The following LONRF2 variants were observed in gnomAD, a reference collection of about 807,000 sequenced individuals.
LONRF2 encodes the protein LON peptidase N-terminal domain and RING finger protein 2.
A neutral mutation model predicts 66.6 loss-of-function variants in LONRF2; 35 were observed. The ratio of observed to expected loss-of-function variants is 0.53; its 90% CI spans 0.40 to 0.70. The LOEUF (loss-of-function observed/expected upper bound fraction) is 0.70. Among genes scored for constraint, LONRF2 ranks in the 30% least tolerant of loss-of-function variants. The pLI is 0.00. For synonymous variants in LONRF2, 417 were observed against 418.1 expected (o/e 1.00, Z 0.03); for missense variants, 902 against 1,002.1 (o/e 0.90, Z 1.35).
rs1305783021 is a variant in LONRF2 at position 100,281,845 on chromosome 2, C to T, written c.*2453G>A. ...GGGGCAGGCGGAGGAGGAAGCAGAC[C>T]GTTCTGCTTTAGCTTAATTGGTAGC... On this transcript the variant is annotated 3_prime_UTR_variant, in exon 12 of 12. Transcript: ENST00000393437. 3 of 151,496 alleles carry T rather than the reference C, an allele frequency of 2.0e-5. No homozygotes were observed. Among genetic ancestry groups the T allele is most frequent in the East Asian group, 1.9e-4 (1 of 5,176 alleles). The allele number at this position is 151,496 out of a possible 1,614,324, so 9.4% of individuals were successfully genotyped here.
intron 1 of LONRF2, among the ~76,000 whole-genome samples, chr2:100,310,374 T>C (rs1197939471): frequency 6.6e-6 from 1 of 152,230 alleles, no homozygotes; most frequent in East Asian, 1.9e-4. Flanking sequence ...GCTCCTAAGA[T>C]GTGTTCTCAT....
Position 100,273,293 on chromosome 2 carries a change from A to G in LONRF2, c.*11005T>C, listed in dbSNP as rs1223711904. 1 of 152,224 alleles carries G rather than the reference A, an allele frequency of 6.6e-6. No homozygotes were observed. 9.4% of individuals were successfully genotyped at this position (152,224 alleles called of 1,614,324 possible). A position where few individuals can be genotyped will look rare whatever the true frequency, so the allele number is the denominator to read the frequency against. On this transcript the variant is annotated 3_prime_UTR_variant, in exon 12 of 12. Transcript: ENST00000393437. ...TGGATTTCTAATGTCCAGAAATGTG[A>G]GCGAAGAAAACTGATTTATTGTGAA... is the stretch of plus-strand genomic sequence containing the variant.
intron 2 of LONRF2, among the ~76,000 whole-genome samples, chr2:100,303,424 A>C (rs1009312027): frequency 6.6e-6 from 1 of 152,246 alleles, no homozygotes; most frequent in Admixed American, 6.5e-5. Context: ...GACACGACTA[A>C]AAACAATTAC....
chr2:100,303,022 C>T lies in LONRF2; in HGVS notation c.820G>A (p.Ala274Thr). Residue 274 changes from alanine to threonine, a missense_variant, in exon 3 of 12, where the codon GCT (alanine) becomes ACT (threonine). Coordinates refer to ENST00000393437, the MANE Select transcript of LONRF2 (RefSeq NM_198461.4). Reference protein sequence around the residue: ...LIKGHQVKAQALSGLGRSKEV... With the variant: ...LIKGHQVKAQTLSGLGRSKEV... Reference sequence around the variant, plus strand: ...TTACTTCTTCCCAATCCAGAAAGAGCCTGAGCTTTTACTTGATGTCCCTAG... The same window carrying T: ...TTACTTCTTCCCAATCCAGAAAGAGTCTGAGCTTTTACTTGATGTCCCTAG... 6.2e-7 allele frequency: 1 copy of T among 1,607,324 alleles called. No individual in the cohort carries two copies. Among genetic ancestry groups the T allele is most frequent in the Non-Finnish European group, 8.5e-7 (1 of 1,176,400 alleles).
At position 100,278,705 on chromosome 2, in the gene LONRF2, CA is replaced by C. The variant is rs1464720449; in HGVS notation, c.*5592del. 6.6e-6 allele frequency: 1 copy of C among 152,182 alleles called. No homozygotes were observed. The highest frequency in any genetic ancestry group is 1.9e-4 in the East Asian group (1 of 5,176). 9.4% of individuals were successfully genotyped at this position (152,182 alleles called of 1,614,324 possible). On this transcript the variant is annotated 3_prime_UTR_variant, in exon 12 of 12. Transcript: ENST00000393437. ...GTCTCACATCCCAGAAGACATTGCC[CA>C]GCCCAGCAGCTCACGGCTGAAGATG... is the stretch of plus-strand genomic sequence containing the variant.
chr2:100,309,077 A>G (rs768103842), intron 2 of LONRF2, 30 bp downstream of exon 2: 1 of 1,378,642 alleles, frequency 7.3e-7, no homozygotes, highest in Admixed American at 2.3e-5. Context: ...CTTCACATTG[A>G]TTATCTCCAA....
intron 1 of LONRF2, among the ~76,000 whole-genome samples, chr2:100,314,519 T>C (rs2104211679): frequency 6.6e-6 from 1 of 152,330 alleles, no homozygotes; most frequent in East Asian, 1.9e-4. Context: ...TTATTCTGCA[T>C]TAGAGGTCTC....
intron 1 of LONRF2, among the ~76,000 whole-genome samples, chr2:100,318,700 G>A (rs911176215): frequency 3.3e-5 from 5 of 151,810 alleles, no homozygotes; most frequent in Admixed American, 6.6e-5. Flanking sequence ...GCATGGTGGT[G>A]CATGCCTGTA....
chr2:100,273,978 A>G lies in LONRF2; in HGVS notation c.*10320T>C, dbSNP rs1049258767. ...GAGAGAGAAGTCGGTCACTGGTTGA[A>G]CTGTTCACAGTACAAAAAGGTGACA... is the stretch of plus-strand genomic sequence containing the variant. On this transcript the variant is annotated 3_prime_UTR_variant, in exon 12 of 12. Transcript: ENST00000393437. 1.3e-5 allele frequency: 2 copies of G among 152,190 alleles called. No homozygotes were observed. Among genetic ancestry groups the G allele is most frequent in the Non-Finnish European group, 2.9e-5 (2 of 68,040 alleles). The allele number at this position is 152,190 out of a possible 1,614,324, so 9.4% of individuals were successfully genotyped here.
At position 100,322,398 on chromosome 2, in the gene LONRF2, G is replaced by A; in HGVS notation, c.-305C>T. Reference sequence around the variant, plus strand: ...CCACGCGCAGCGGCCTCTCAGTCCCGCCGGCTTAGGTAACCCAGGTCGCTG... The same window carrying A: ...CCACGCGCAGCGGCCTCTCAGTCCCACCGGCTTAGGTAACCCAGGTCGCTG... On this transcript the variant is annotated 5_prime_UTR_variant, in exon 1 of 12. Coordinates refer to ENST00000393437, the MANE Select transcript of LONRF2 (RefSeq NM_198461.4). 4.1e-6 allele frequency: 1 copy of A among 246,760 alleles called. No homozygotes were observed. Among genetic ancestry groups the A allele is most frequent in the East Asian group, 7.9e-5 (1 of 12,606 alleles). The allele number at this position is 246,760 out of a possible 1,614,324, so 15.3% of individuals were successfully genotyped here.
Position 100,277,296 on chromosome 2 carries a change from C to T in LONRF2, c.*7002G>A, listed in dbSNP as rs1164457283. 1 of 152,234 alleles carries T rather than the reference C, an allele frequency of 6.6e-6. No individual in the cohort carries two copies. The highest frequency in any genetic ancestry group is 1.5e-5 in the Non-Finnish European group (1 of 68,074). 9.4% of individuals were successfully genotyped at this position (152,234 alleles called of 1,614,324 possible). On this transcript the variant is annotated 3_prime_UTR_variant, in exon 12 of 12. Coordinates refer to ENST00000393437, the MANE Select transcript of LONRF2 (RefSeq NM_198461.4). The stretch of plus-strand genomic sequence containing the variant: ...AGAAACTATCCCTCTCAGCCTCATG[C>T]TACCCTATTAAAGCAGTAAATGGCT...
At chr2:100,291,869 C>T (rs1395588754) in intron 9 of LONRF2, among the ~76,000 whole-genome samples, 1 of 152,132 alleles carries the variant, frequency 6.6e-6, no homozygotes, top group Non-Finnish European at 1.5e-5. Flanking sequence ...GATGTTCTCA[C>T]GCTACCACGT....
rs1290353157 is a variant in LONRF2 at position 100,321,904 on chromosome 2, G to T, written c.190C>A (p.Leu64Met). The T allele has an allele frequency of 4.6e-5, 60 of 1,305,038 alleles. 1 individual carries two copies. The Middle Eastern group carries it at 1.2e-3, about 26-fold the overall frequency. The allele number at this position is 1,305,038 out of a possible 1,614,324, so 80.8% of individuals were successfully genotyped here. The change falls in exon 1 of 12, where the codon CTG (leucine) becomes ATG (methionine). Residue 64 changes from leucine (L) to methionine (M), a missense_variant. Leu to Met is a conservative substitution (Grantham distance 15, BLOSUM62 2). Coordinates refer to ENST00000393437, the MANE Select transcript of LONRF2 (RefSeq NM_198461.4). ...AQPDRGLCLR[L>M]GDALARAGRL... is the part of the protein sequence containing the mutation. The stretch of plus-strand genomic sequence containing the variant: ...CCGGCGCGGGCCAGCGCGTCCCCCA[G>T]CCTCAGGCACAGGCCGCGGTCCGGC...
Position 100,321,907 on chromosome 2 carries a change from T to A in LONRF2, c.187A>T (p.Arg63Trp). 7.6e-7 allele frequency: 1 copy of A among 1,322,348 alleles called. No homozygotes were observed. Among genetic ancestry groups the A allele is most frequent in the South Asian group, 2.0e-5 (1 of 50,134 alleles). The allele number at this position is 1,322,348 out of a possible 1,614,324, so 81.9% of individuals were successfully genotyped here. A position where few individuals can be genotyped will look rare whatever the true frequency, so the allele number is the denominator to read the frequency against. The change falls in exon 1 of 12, where the codon AGG becomes TGG. Residue 63 changes from arginine (R) to tryptophan (W), a missense_variant. Arg to Trp is a moderately radical substitution (Grantham distance 101). Around this residue, in one of 2 missense-constraint regions of LONRF2, gnomAD observed 585 missense variants for 569.9 expected, o/e 1.03. Coordinates refer to ENST00000393437, the MANE Select transcript of LONRF2 (RefSeq NM_198461.4). ...LAQPDRGLCL[R>W]LGDALARAGR... ...GCGCGGGCCAGCGCGTCCCCCAGCC[T>A]CAGGCACAGGCCGCGGTCCGGCTGC...
intron 1 of LONRF2, among the ~76,000 whole-genome samples, chr2:100,312,098 G>A (rs923364770): frequency 1.3e-5 from 2 of 152,036 alleles, no homozygotes; most frequent in African/African-American, 4.8e-5. Flanking sequence ...TCTGAAATAA[G>A]ATGGAAATTA....
intron 1 of LONRF2, among the ~76,000 whole-genome samples, chr2:100,314,062 T>A (rs1675458923): frequency 6.6e-6 from 1 of 152,156 alleles, no homozygotes; most frequent in Non-Finnish European, 1.5e-5. Flanking sequence ...AAAGCTGCAA[T>A]GAACATTCCT....
At chr2:100,288,179 A>G (rs761958301) in intron 10 of LONRF2, among the ~76,000 whole-genome samples, 17 of 152,314 alleles carry the variant, frequency 1.1e-4, no homozygotes, top group Non-Finnish European at 1.8e-4. Flanking sequence ...CCTGAGAATT[A>G]TCACTTTCAG....
chr2:100,316,318 C>CA (rs57110532), intron 1 of LONRF2, among the ~76,000 whole-genome samples: 1,879 of 100,908 alleles, frequency 0.019, 80 homozygotes, highest in African/African-American at 0.075. Context: ...GACTCCATCT[C>CA]AAAAAAAAAA....
At chr2:100,310,920 A>T (rs984312277) in intron 1 of LONRF2, among the ~76,000 whole-genome samples, 1 of 152,230 alleles carries the variant, frequency 6.6e-6, no homozygotes, top group African/African-American at 2.4e-5. Context: ...TAATGAGAAG[A>T]ATGGAATTCT....
Sources: allele counts gnomAD v4.1 joint callset (sites outside exome capture counted in the v4.1 genomes callset), GRCh38; gene constraint gnomAD v4.1.1; regional missense constraint gnomAD v4.1.1; transcripts MANE v1.5; gene names NCBI Gene and HGNC (gene_info 2026-07-23, HGNC 2026-07-21).